Variants in DLG2 observed in about 807,000 individuals in gnomAD.
The protein encoded by DLG2 is discs large MAGUK scaffold protein 2.
A neutral mutation model predicts 132.5 loss-of-function variants in DLG2; 45 were observed. That is an observed-to-expected ratio of 0.34 (90% CI 0.27 to 0.44). The LOEUF (loss-of-function observed/expected upper bound fraction) is 0.44. DLG2 is among the 20% of genes least tolerant of loss of function. DLG2 has a pLI of 1.00. For synonymous variants in DLG2, 424 were observed against 419.6 expected, an observed-to-expected ratio of 1.01 and a Z score of -0.13; for missense variants, 1,045 against 1,196.9, an observed-to-expected ratio of 0.87 and a Z score of 1.87.
chr11:84,416,594 G>T (rs191575574), intron 7 of DLG2, among the ~76,000 whole-genome samples: 1 of 152,316 alleles, frequency 6.6e-6, no homozygotes, highest in Admixed American at 6.5e-5. Context: ...TGTGGTTTGG[G>T]ATAAGACATT....
intron 6 of DLG2, among the ~76,000 whole-genome samples, chr11:85,037,889 TA>T (rs1171042494): frequency 1.3e-5 from 2 of 152,236 alleles, no homozygotes; most frequent in African/African-American, 4.8e-5. Context: ...CAAACAATAA[TA>T]TGGGTCATGT....
chr11:85,093,077 TG>T (rs1308827020), intron 6 of DLG2, among the ~76,000 whole-genome samples: 2 of 152,228 alleles, frequency 1.3e-5, no homozygotes, highest in Non-Finnish European at 2.9e-5. Flanking sequence ...GATTTTCGAC[TG>T]TGGGGTGAGT....
chr11:84,121,630 C>T (rs1198250736), intron 9 of DLG2, among the ~76,000 whole-genome samples: 17 of 125,464 alleles, frequency 1.4e-4, no homozygotes, highest in South Asian at 2.6e-4. Flanking sequence ...GGCACGATCT[C>T]GGCTCACTGC....
intron 7 of DLG2, among the ~76,000 whole-genome samples, chr11:84,396,811 C>T (rs985445097): frequency 6.6e-6 from 1 of 152,180 alleles, no homozygotes; most frequent in Non-Finnish European, 1.5e-5. Flanking sequence ...AATGGAAAAT[C>T]TGTAAAGTTC....
At chr11:85,138,117 C>T (rs2076241435) in intron 5 of DLG2, among the ~76,000 whole-genome samples, 2 of 152,218 alleles carry the variant, frequency 1.3e-5, no homozygotes, top group South Asian at 4.1e-4. Flanking sequence ...TTTAACCCAT[C>T]TTTTAATCAT....
intron 7 of DLG2, among the ~76,000 whole-genome samples, chr11:84,484,851 C>G (rs184453652): frequency 1.9e-4 from 29 of 152,258 alleles, no homozygotes; most frequent in Non-Finnish European, 3.5e-4. Context: ...TAACAGTAGT[C>G]ACTGATGTTT....
chr11:85,542,006 A>C (rs559142941), intron 3 of DLG2, among the ~76,000 whole-genome samples: 28 of 152,326 alleles, frequency 1.8e-4, no homozygotes, highest in Non-Finnish European at 3.7e-4. Context: ...AATTTAGAAG[A>C]GTAAGGGGGA....
intron 3 of DLG2, among the ~76,000 whole-genome samples, chr11:85,335,788 C>G (rs1379525022): frequency 6.6e-6 from 1 of 151,814 alleles, no homozygotes; most frequent in African/African-American, 2.4e-5. Flanking sequence ...CACACCAGGA[C>G]CTATCAGGGG....
chr11:84,815,443 C>T (rs568055633), intron 6 of DLG2, among the ~76,000 whole-genome samples: 66 of 152,032 alleles, frequency 4.3e-4, no homozygotes, highest in Non-Finnish European at 7.5e-4. Flanking sequence ...CCATCACCAA[C>T]CTGGGGAATC....
At chr11:84,690,976 T>G (rs553833182) in intron 6 of DLG2, among the ~76,000 whole-genome samples, 2 of 151,866 alleles carry the variant, frequency 1.3e-5, no homozygotes, top group Non-Finnish European at 2.9e-5. Context: ...AAGAAATGGC[T>G]CTCTACTGTA....
intron 19 of DLG2, among the ~76,000 whole-genome samples, chr11:83,551,484 C>A (rs1211769490): frequency 6.6e-6 from 1 of 152,142 alleles, no homozygotes; most frequent in East Asian, 1.9e-4. Context: ...TCCTCCAAAT[C>A]CTTAGTACCA....
chr11:83,696,132 C>T (rs986115960), intron 18 of DLG2, among the ~76,000 whole-genome samples: 2 of 152,082 alleles, frequency 1.3e-5, no homozygotes, highest in Non-Finnish European at 2.9e-5. Flanking sequence ...GGTGTTGAGG[C>T]TGGGAGCATA....
intron 21 of DLG2, among the ~76,000 whole-genome samples, chr11:83,513,188 G>T (rs1236249319): frequency 6.6e-6 from 1 of 152,202 alleles, no homozygotes; most frequent in Non-Finnish European, 1.5e-5. Context: ...ATCCTCTCCA[G>T]CACCTGTTGT....
rs540244963 is a variant in DLG2 at position 84,007,407 on chromosome 11, T to C, written c.920-26765A>G. 9.9e-5 allele frequency among the ~76,000 whole-genome samples: 15 copies of C among 151,856 alleles called. No individual in the cohort carries two copies. The South Asian group carries it at 2.7e-3, about 27-fold the overall frequency. ...TATCTTTACTTTGCCATAAAATCTA[T>C]TTTATTGCAACTAAATATCTTTTAT... On this transcript the variant is annotated intron_variant, in intron 11 of 27. Transcript: ENST00000376104.
intron 6 of DLG2, among the ~76,000 whole-genome samples, chr11:84,827,182 C>A (rs2078431878): frequency 1.3e-5 from 2 of 151,602 alleles, no homozygotes; most frequent in South Asian, 4.2e-4. Flanking sequence ...ACCAAAGTCA[C>A]ACAGATAGTA....
chr11:85,622,725 A>T (rs965466707), intron 2 of DLG2, among the ~76,000 whole-genome samples: 13 of 152,120 alleles, frequency 8.5e-5, no homozygotes, highest in Non-Finnish European at 1.9e-4. Flanking sequence ...CTGTAATCTC[A>T]GTTTCAAGGG....
chr11:85,500,505 A>C (rs1219617830), intron 3 of DLG2, among the ~76,000 whole-genome samples: 1 of 148,822 alleles, frequency 6.7e-6, no homozygotes, highest in African/African-American at 2.6e-5. Flanking sequence ...ACTAACCTGC[A>C]CAATGTGCAC....
chr11:83,916,002 C>A (rs890042210), intron 15 of DLG2, among the ~76,000 whole-genome samples: 5 of 152,164 alleles, frequency 3.3e-5, no homozygotes, highest in Non-Finnish European at 5.9e-5. Flanking sequence ...AGGTGTGGCT[C>A]TTTGCGATTG....
At chr11:83,994,269 A>G (rs910300295) in intron 11 of DLG2, among the ~76,000 whole-genome samples, 4 of 152,214 alleles carry the variant, frequency 2.6e-5, no homozygotes, top group Non-Finnish European at 4.4e-5. Context: ...TGATATGCAC[A>G]AATATGTTGT....
Sources: gnomAD v4.1 joint callset for allele counts (sites outside exome capture counted in the v4.1 genomes callset) on GRCh38, gnomAD v4.1.1 for gene constraint, MANE v1.5 for transcripts, NCBI Gene and HGNC (gene_info 2026-07-23, HGNC 2026-07-21) for gene names.